Variants in IGF2BP2 observed in about 807,000 individuals in gnomAD.
IGF2BP2 encodes insulin-like growth factor 2 mRNA-binding protein 2.
IGF2BP2 carries 17 observed loss-of-function variants against 75.8 expected under a neutral mutation model. The ratio of observed to expected loss-of-function variants is 0.22; its 90% confidence interval spans 0.15 to 0.34. IGF2BP2 has a LOEUF of 0.34. IGF2BP2 is among the 10% of genes least tolerant of loss of function. The pLI is 1.00. For missense variants in IGF2BP2, 516 were observed against 772.4 expected, an observed-to-expected ratio of 0.67 and a Z score of 3.93; for synonymous variants, 288 against 295.6, an observed-to-expected ratio of 0.97 and a Z score of 0.26.
intron 2 of IGF2BP2, among the ~76,000 whole-genome samples, chr3:185,787,570 T>C (rs1736071035): frequency 6.6e-6 from 1 of 152,102 alleles, no homozygotes; most frequent in South Asian, 2.1e-4. Context: ...CCACCTCTAC[T>C]AAAGATACAA....
intron 12 of IGF2BP2, among the ~76,000 whole-genome samples, chr3:185,654,179 CTCAGGTGATCA>C (rs1047500401): frequency 2.4e-4 from 36 of 152,320 alleles, no homozygotes; most frequent in African/African-American, 6.7e-4. Flanking sequence ...AAATGTGAGA[CTCAGGTGATCA>C]ACAGCTGAGC....
At chr3:185,793,636 G>C (rs535925108) in intron 2 of IGF2BP2, among the ~76,000 whole-genome samples, 2 of 152,296 alleles carry the variant, frequency 1.3e-5, no homozygotes, top group African/African-American at 4.8e-5. Flanking sequence ...CTAGGTAAGA[G>C]AGACTCTTTT....
chr3:185,698,309 A>T lies in IGF2BP2; in HGVS notation c.278T>A (p.Leu93Gln). The T allele has an allele frequency of 6.2e-7, 1 of 1,613,470 alleles. No homozygotes were observed. The highest frequency in any genetic ancestry group is 8.5e-7 in the Non-Finnish European group (1 of 1,179,400). The part of the protein sequence containing the change: ...KIQIRNIPPH[L>Q]QWEVLDGLLA... ...TTGACACTGGCTTACCTCCCACTGCAGGTGAGGAGGGATGTTTCGAATCTG... is the reference window on the plus strand; with the variant it reads ...TTGACACTGGCTTACCTCCCACTGCTGGTGAGGAGGGATGTTTCGAATCTG... Residue 93 changes from leucine to glutamine, a missense_variant, in exon 3 of 16, where the codon CTG (leucine) becomes CAG (glutamine). Around this residue, in one of 3 missense-constraint regions of IGF2BP2, gnomAD observed 312 missense variants for 474.5 expected, o/e 0.66. Transcript: ENST00000382199.
Position 185,788,710 on chromosome 3 carries a change from CTTTT to C in IGF2BP2, c.239+34439_239+34442del, listed in dbSNP as rs1158869748. On this transcript the variant is annotated intron_variant, in intron 2 of 15. Coordinates refer to ENST00000382199, the MANE Select transcript of IGF2BP2 (RefSeq NM_006548.6). Reference sequence around the variant, plus strand: ...TGTAAAGTCCAAAACTGACAAACGACTTTTTTTTTTTTTTTTTTTTTTTTTTTGA... The same window carrying C: ...TGTAAAGTCCAAAACTGACAAACGACTTTTTTTTTTTTTTTTTTTTTTTGA... Among the ~76,000 whole-genome samples, 844 of 100,190 alleles carry C rather than the reference CTTTT, an allele frequency of 8.4e-3. 6 individuals carry two copies. Among genetic ancestry groups the C allele is most frequent in the African/African-American group, 0.028 (713 of 25,110 alleles). 65.7% of individuals were successfully genotyped at this position (100,190 alleles called of 152,430 possible).
chr3:185,760,220 T>C (rs1732171380), intron 2 of IGF2BP2, among the ~76,000 whole-genome samples: 1 of 152,188 alleles, frequency 6.6e-6, no homozygotes, highest in Non-Finnish European at 1.5e-5. Flanking sequence ...TTTCAGTTTC[T>C]ACCCACTATG....
intron 2 of IGF2BP2, among the ~76,000 whole-genome samples, chr3:185,808,621 G>A (rs1739374517): frequency 6.6e-6 from 1 of 151,746 alleles, no homozygotes; most frequent in Admixed American, 6.6e-5. Flanking sequence ...GTGCAGTGGT[G>A]CAATCTCAGC....
chr3:185,653,676 C>G (rs1336539218), intron 12 of IGF2BP2, among the ~76,000 whole-genome samples: 2 of 151,982 alleles, frequency 1.3e-5, no homozygotes, highest in Non-Finnish European at 2.9e-5. Flanking sequence ...GAGCCAAGAC[C>G]GAGGTCAGAA....
chr3:185,676,711 G>A (rs1281120259), intron 7 of IGF2BP2, among the ~76,000 whole-genome samples: 1 of 143,806 alleles, frequency 7.0e-6, no homozygotes, highest in Non-Finnish European at 1.5e-5. Context: ...ATATTTACTG[G>A]AGATATATAT....
intron 7 of IGF2BP2, among the ~76,000 whole-genome samples, chr3:185,682,442 T>C (rs898669187): frequency 2.6e-5 from 4 of 152,334 alleles, no homozygotes; most frequent in Admixed American, 1.3e-4. Context: ...CATCACGCTC[T>C]TGGACTTCCC....
intron 2 of IGF2BP2, among the ~76,000 whole-genome samples, chr3:185,810,343 T>C: frequency 6.6e-6 from 1 of 152,192 alleles, no homozygotes; most frequent in East Asian, 1.9e-4. Flanking sequence ...GCCTTCAATT[T>C]CCTTAACTTA....
At chr3:185,701,367 T>TAAAAAAAA (rs558141080) in intron 2 of IGF2BP2, among the ~76,000 whole-genome samples, 2 of 117,080 alleles carry the variant, frequency 1.7e-5, no homozygotes, top group Non-Finnish European at 3.5e-5. Flanking sequence ...ACCTGCTAAG[T>TAAAAAAAA]AAAAAAAAAA....
At chr3:185,816,466 ATTTTC>A (rs760205369) in intron 2 of IGF2BP2, among the ~76,000 whole-genome samples, 1 of 152,166 alleles carries the variant, frequency 6.6e-6, no homozygotes, top group Non-Finnish European at 1.5e-5. Context: ...TCACAAATGT[ATTTTC>A]ATATATTTCT....
At chr3:185,748,014 C>T (rs1334391307) in intron 2 of IGF2BP2, among the ~76,000 whole-genome samples, 4 of 152,058 alleles carry the variant, frequency 2.6e-5, no homozygotes. Context: ...TGCCACCATG[C>T]CCAGCTACTT....
At chr3:185,699,278 C>T (rs923447945) in intron 2 of IGF2BP2, among the ~76,000 whole-genome samples, 9 of 152,228 alleles carry the variant, frequency 5.9e-5, no homozygotes, top group African/African-American at 2.2e-4. Context: ...AGTCATCATA[C>T]AGATTCTATT....
At position 185,824,943 on chromosome 3, in the gene IGF2BP2, G is replaced by A; in HGVS notation, c.18C>T (p.Tyr6=). The A allele has an allele frequency of 6.5e-7, 1 of 1,550,108 alleles. No homozygotes were observed. The highest frequency in any genetic ancestry group is 2.5e-5 in the East Asian group (1 of 39,512). The change falls in exon 1 of 16, where the codon TAC becomes TAT. Residue 6 remains tyrosine, a synonymous_variant. Transcript: ENST00000382199. MMNKL[Y]IGNLSPAVTA... ...TGACGGCGGGGCTCAGGTTCCCGAT[G>A]TAAAGCTTGTTCATCATCCGTCTCT...
intron 2 of IGF2BP2, among the ~76,000 whole-genome samples, chr3:185,708,818 C>A (rs752329926): frequency 6.6e-6 from 1 of 152,154 alleles, no homozygotes; most frequent in South Asian, 2.1e-4. Context: ...TGAGTACAAA[C>A]ATGCATTTGG....
chr3:185,800,607 C>T (rs1446400652), intron 2 of IGF2BP2, among the ~76,000 whole-genome samples: 1 of 151,758 alleles, frequency 6.6e-6, no homozygotes, highest in Non-Finnish European at 1.5e-5. Context: ...CATAGTGGCA[C>T]ATGCCTATAA....
At chr3:185,655,664 C>G (rs546895621) in intron 12 of IGF2BP2, among the ~76,000 whole-genome samples, 7 of 152,360 alleles carry the variant, frequency 4.6e-5, no homozygotes, top group Non-Finnish European at 8.8e-5. Flanking sequence ...CGTCACCATT[C>G]GACCTTGCTG....
intron 10 of IGF2BP2, among the ~76,000 whole-genome samples, chr3:185,669,972 C>T (rs964737312): frequency 3.9e-5 from 6 of 152,130 alleles, no homozygotes; most frequent in Admixed American, 2.6e-4. Context: ...CAGTGAGGGC[C>T]GCCTCCATGC....
Sources: gnomAD v4.1 joint callset for allele counts (sites outside exome capture counted in the v4.1 genomes callset) on GRCh38, gnomAD v4.1.1 for gene constraint, gnomAD v4.1.1 regional missense constraint, MANE v1.5 for transcripts, NCBI Gene and HGNC (gene_info 2026-07-23, HGNC 2026-07-21) for gene names.